Variants in BCKDHB observed in about 807,000 individuals in gnomAD.
The protein encoded by BCKDHB is 2-oxoisovalerate dehydrogenase subunit beta, mitochondrial.
BCKDHB carries 41 observed loss-of-function variants against 48.5 expected under a neutral mutation model. That is an observed-to-expected ratio of 0.85 (90% CI 0.66 to 1.10). The LOEUF is 1.10. Among genes scored for constraint, BCKDHB ranks in the 50% least tolerant of loss-of-function variants. The pLI, the probability that BCKDHB is intolerant of heterozygous loss-of-function variation, is 0.00. For synonymous variants in BCKDHB, 201 were observed against 174.8 expected (o/e 1.15, Z -1.18); for missense variants, 496 against 494.2 (o/e 1.00, Z -0.03).
At chr6:80,138,284 G>A (rs1216013678) in intron 3 of BCKDHB, among the ~76,000 whole-genome samples, 1 of 126,604 alleles carries the variant, frequency 7.9e-6, no homozygotes, top group African/African-American at 2.5e-5. Context: ...ATAAAAATAA[G>A]GAATTCTTTT....
Position 80,346,094 on chromosome 6 carries a change from G to A in BCKDHB, c.*2290G>A, listed in dbSNP as rs1036678484. ...TATTAAGTGAACCATCACGATATTG[G>A]CTGAAAAGTTCTACATTCTATTATT... On this transcript the variant is annotated 3_prime_UTR_variant, in exon 10 of 10. Transcript: ENST00000320393. 1.3e-5 allele frequency: 2 copies of A among 151,994 alleles called. No individual in the cohort carries two copies. Among genetic ancestry groups the A allele is most frequent in the Non-Finnish European group, 2.9e-5 (2 of 67,974 alleles). 9.4% of individuals were successfully genotyped at this position (151,994 alleles called of 1,614,324 possible). A position where few individuals can be genotyped will look rare whatever the true frequency, so the allele number is the denominator to read the frequency against.
Position 80,205,836 on chromosome 6 carries a change from A to T in BCKDHB, c.951+2624A>T, listed in dbSNP as rs12530261. Among the ~76,000 whole-genome samples, 348 of 64,582 alleles carry T rather than the reference A, an allele frequency of 5.4e-3. 1 individual carries two copies. Among genetic ancestry groups the T allele is most frequent in the African/African-American group, 0.022 (336 of 15,388 alleles). The allele number at this position is 64,582 out of a possible 152,430, so 42.4% of individuals were successfully genotyped here. Reference sequence around the variant, plus strand: ...TGTGTGTGTGTGTGTGTGTGTGTGTAGGTGGATTGGCTTAAGAGAATCAGC... The same window carrying T: ...TGTGTGTGTGTGTGTGTGTGTGTGTTGGTGGATTGGCTTAAGAGAATCAGC... On this transcript the variant is annotated intron_variant, in intron 8 of 9. Transcript: ENST00000320393.
At chr6:80,327,618 A>C (rs777521210) in intron 9 of BCKDHB, among the ~76,000 whole-genome samples, 13 of 152,172 alleles carry the variant, frequency 8.5e-5, no homozygotes, top group Non-Finnish European at 1.8e-4. Context: ...TTTTTATTAC[A>C]AAATAAATAG....
chr6:80,199,444 A>G (rs1378680022), intron 6 of BCKDHB, among the ~76,000 whole-genome samples: 1 of 152,084 alleles, frequency 6.6e-6, no homozygotes, highest in African/African-American at 2.4e-5. Flanking sequence ...AGGGAACAAC[A>G]GTTTTTTCCA....
the BCKDHB span, among the ~76,000 whole-genome samples, chr6:80,376,487 A>G: frequency 1.3e-5 from 2 of 152,184 alleles, no homozygotes; most frequent in East Asian, 1.9e-4. Flanking sequence ...CAGCTGTCCC[A>G]TGGAACCTGC....
At chr6:80,288,066 T>C (rs1766713855) in intron 9 of BCKDHB, among the ~76,000 whole-genome samples, 1 of 151,908 alleles carries the variant, frequency 6.6e-6, no homozygotes, top group South Asian at 2.1e-4. Context: ...TTCGATAATA[T>C]CAATGATTCC....
chr6:80,115,384 G>A (rs1176128655), intron 1 of BCKDHB, among the ~76,000 whole-genome samples: 1 of 152,166 alleles, frequency 6.6e-6, no homozygotes, highest in Non-Finnish European at 1.5e-5. Context: ...TTATGAAGTA[G>A]ATGCTGGCTA....
chr6:80,215,291 T>C (rs573839860), intron 8 of BCKDHB, among the ~76,000 whole-genome samples: 79 of 152,226 alleles, frequency 5.2e-4, no homozygotes, highest in Non-Finnish European at 7.5e-4. Context: ...AGTTGGTCCC[T>C]CCTGCCAAGT....
At chr6:80,261,490 A>G (rs189044412) in intron 8 of BCKDHB, among the ~76,000 whole-genome samples, 106 of 152,046 alleles carry the variant, frequency 7.0e-4, no homozygotes, top group Admixed American at 2.9e-3. Context: ...GCTGAGGCCA[A>G]TTTATCCCTA....
chr6:80,152,405 C>T (rs1306674382), intron 3 of BCKDHB, among the ~76,000 whole-genome samples: 11 of 152,132 alleles, frequency 7.2e-5, no homozygotes, highest in Admixed American at 1.3e-4. Context: ...TAGTAAATAT[C>T]AGTTTGCCTG....
chr6:80,350,999 TCC>T (rs1770377130), downstream of BCKDHB, among the ~76,000 whole-genome samples: 1 of 152,216 alleles, frequency 6.6e-6, no homozygotes, highest in African/African-American at 2.4e-5. Context: ...CAAAGGCTTA[TCC>T]CTAAGTTATA....
intron 8 of BCKDHB, among the ~76,000 whole-genome samples, chr6:80,221,146 T>C (rs1052679607): frequency 6.6e-6 from 1 of 152,196 alleles, no homozygotes. Flanking sequence ...TCAATTCTTA[T>C]ACTCACCTCT....
chr6:80,258,624 C>T (rs1185738033), intron 8 of BCKDHB, among the ~76,000 whole-genome samples: 3 of 152,182 alleles, frequency 2.0e-5, no homozygotes, highest in African/African-American at 7.2e-5. Context: ...GAGTGAGTAC[C>T]TGCCTTTTCC....
chr6:80,196,627 T>C lies in BCKDHB; in HGVS notation c.743-4307T>C, dbSNP rs1415982829. 5.9e-5 allele frequency among the ~76,000 whole-genome samples: 9 copies of C among 152,282 alleles called. No individual in the cohort carries two copies. In the East Asian group the frequency reaches 1.7e-3, roughly 29 times the overall value. On this transcript the variant is annotated intron_variant, in intron 6 of 9. Coordinates refer to ENST00000320393, the MANE Select transcript of BCKDHB (RefSeq NM_183050.4). ...GCAACTATTCAATGAAAAATGTATA[T>C]TAAACTTGGTATATATATATATTAT... is the stretch of plus-strand genomic sequence containing the variant.
chr6:80,203,019 C>G, intron 7 of BCKDHB, 83 bp from the exon 8 acceptor site: 1 of 912,680 alleles, frequency 1.1e-6, no homozygotes, highest in African/African-American at 1.6e-5. Context: ...AATACTGTCT[C>G]TAATAGTGAC....
At chr6:80,404,110 T>C in the BCKDHB span, among the ~76,000 whole-genome samples, 1 of 151,764 alleles carries the variant, frequency 6.6e-6, no homozygotes, top group South Asian at 2.1e-4. Flanking sequence ...TTTCAAAGTC[T>C]TCTCACTTCT....
At chr6:80,180,269 C>T (rs141693464) in intron 6 of BCKDHB, among the ~76,000 whole-genome samples, 65 of 152,184 alleles carry the variant, frequency 4.3e-4, no homozygotes, top group African/African-American at 1.4e-3. Flanking sequence ...ATAATATTTT[C>T]GATTTCCTGA....
rs1402355943 is a variant in BCKDHB at position 80,343,780 on chromosome 6, C to T, written c.1155C>T (p.Ala385=). 1 of 1,613,742 alleles carries T rather than the reference C, an allele frequency of 6.2e-7. No individual in the cohort carries two copies. Reference sequence around the variant, plus strand: ...CAGACAAATGGAAGTGTTATGATGCCCTTCGAAAAATGATCAACTATTGAC... The same window carrying T: ...CAGACAAATGGAAGTGTTATGATGCTCTTCGAAAAATGATCAACTATTGAC... The part of the protein sequence containing the change: ...YIPDKWKCYD[A]LRKMINY The change falls in exon 10 of 10, where the codon GCC becomes GCT. Residue 385 remains alanine (A), a synonymous_variant. Transcript: ENST00000320393.
rs547668006 is a variant in BCKDHB at position 80,226,089 on chromosome 6, A to G, written c.951+22877A>G. Among the ~76,000 whole-genome samples, 48 of 152,360 alleles carry G rather than the reference A, an allele frequency of 3.2e-4. 1 individual carries two copies. The Middle Eastern group carries it at 0.01, about 32-fold the overall frequency. ...GTAAATTTAAGGCTGTATAACTGAT[A>G]GATTTCAGCAAATTATGGCAGTGAG... On this transcript the variant is annotated intron_variant, in intron 8 of 9. Coordinates refer to ENST00000320393, the MANE Select transcript of BCKDHB (RefSeq NM_183050.4).
Sources: allele counts gnomAD v4.1 joint callset (sites outside exome capture counted in the v4.1 genomes callset), GRCh38; gene constraint gnomAD v4.1.1; transcripts MANE v1.5; gene names NCBI Gene and HGNC (gene_info 2026-07-23, HGNC 2026-07-21).